Variants in TSPAN12 observed in about 807,000 individuals in gnomAD.
TSPAN12 encodes the protein tetraspanin 12, also known as tetraspanin-12.
Under a neutral mutation model 39.2 loss-of-function variants are expected in TSPAN12, and 19 were observed. The observed-to-expected ratio is 0.49, with a 90% CI of 0.34 to 0.71. TSPAN12 has a LOEUF of 0.71. TSPAN12 is among the 30% of genes least tolerant of loss of function. The probability of loss-of-function intolerance (pLI) is 0.01; values close to 1 mark genes in which losing one functional copy is unlikely to be tolerated. For missense variants in TSPAN12, 314 were observed against 359.9 expected (o/e 0.87, Z 1.03); for synonymous variants, 119 against 124.8 (o/e 0.95, Z 0.31).
In TSPAN12 at chr7:120,852,038, A is replaced by G. The variant is rs774666227; in HGVS notation, c.66+4660T>C. 7.7e-4 allele frequency among the ~76,000 whole-genome samples: 117 copies of G among 152,190 alleles called. 1 individual carries two copies. The highest frequency in any genetic ancestry group is 1.1e-3 in the Non-Finnish European group (78 of 68,040). ...CTTCTTAGACGCATTTATAGCTTAC[A>G]CTTAAAAACACATCTATGCCTTACA... On this transcript the variant is annotated intron_variant, in intron 2 of 7. Transcript: ENST00000222747.
intron 2 of TSPAN12, among the ~76,000 whole-genome samples, chr7:120,849,658 G>A (rs1035913105): frequency 4.6e-5 from 7 of 152,182 alleles, no homozygotes; most frequent in African/African-American, 7.2e-5. Context: ...AAAGGACTTC[G>A]ACAAATAATT....
chr7:120,816,752 T>C (rs1176688157), intron 4 of TSPAN12, among the ~76,000 whole-genome samples: 3 of 152,054 alleles, frequency 2.0e-5, no homozygotes, highest in Non-Finnish European at 4.4e-5. Context: ...AATGACATTA[T>C]AAACTGATAA....
At chr7:120,801,379 G>T (rs975366008) in intron 7 of TSPAN12, among the ~76,000 whole-genome samples, 4 of 152,144 alleles carry the variant, frequency 2.6e-5, no homozygotes, top group Admixed American at 2.6e-4. Flanking sequence ...AGGCATAAAT[G>T]GGTTTGTCAA....
chr7:120,788,349 A>C lies in TSPAN12; in HGVS notation c.*243T>G. 1.9e-6 allele frequency: 1 copy of C among 529,322 alleles called. No homozygotes were observed. The highest frequency in any genetic ancestry group is 3.4e-6 in the Non-Finnish European group (1 of 295,158). The allele number at this position is 529,322 out of a possible 1,614,324, so 32.8% of individuals were successfully genotyped here. On this transcript the variant is annotated 3_prime_UTR_variant, in exon 8 of 8. Transcript: ENST00000222747. ...TAACTGTGTTCAGTAAAAGTCATAC[A>C]CAGGCTACACAGTGGGTATGACATC... is the stretch of plus-strand genomic sequence containing the variant.
chr7:120,808,644 A>T (rs1284525135), intron 6 of TSPAN12, among the ~76,000 whole-genome samples: 4 of 152,120 alleles, frequency 2.6e-5, no homozygotes, highest in Non-Finnish European at 5.9e-5. Flanking sequence ...AAATAAACAC[A>T]TTTTTTAAAG....
At chr7:120,835,786 T>C (rs1297528936) in intron 4 of TSPAN12, among the ~76,000 whole-genome samples, 2 of 152,330 alleles carry the variant, frequency 1.3e-5, no homozygotes, top group South Asian at 2.1e-4. Flanking sequence ...TTTGAAGAGG[T>C]AGCATTTCAG....
At chr7:120,796,951 A>T (rs1406247039) in intron 7 of TSPAN12, among the ~76,000 whole-genome samples, 1 of 152,106 alleles carries the variant, frequency 6.6e-6, no homozygotes, top group African/African-American at 2.4e-5. Context: ...GTCAGGAGAC[A>T]GAGACCATCC....
chr7:120,841,705 T>C (rs890397283), intron 2 of TSPAN12, among the ~76,000 whole-genome samples: 2 of 152,204 alleles, frequency 1.3e-5, no homozygotes, highest in Non-Finnish European at 2.9e-5. Flanking sequence ...TATTGATATC[T>C]ATATTTGTAA....
intron 6 of TSPAN12, among the ~76,000 whole-genome samples, chr7:120,808,153 A>T (rs780327837): frequency 5.3e-5 from 8 of 152,026 alleles, no homozygotes; most frequent in African/African-American, 1.7e-4. Flanking sequence ...AGTTCTTGGA[A>T]CTCTCTAGCT....
At position 120,840,198 on chromosome 7, in the gene TSPAN12, C is replaced by A; in HGVS notation, c.67-89G>T. 7.0e-6 allele frequency: 7 copies of A among 1,000,956 alleles called. No individual in the cohort carries two copies. The South Asian group carries it at 7.8e-5, about 11-fold the overall frequency. The allele number at this position is 1,000,956 out of a possible 1,614,324, so 62.0% of individuals were successfully genotyped here. On this transcript the variant is annotated intron_variant, in intron 2 of 7. Transcript: ENST00000222747. ...AATAGGAAAATTAAGGATTTTGTTA[C>A]ATAATATCTTTCCCAATTACCATTT...
At chr7:120,853,577 A>C (rs1029766880) in intron 2 of TSPAN12, among the ~76,000 whole-genome samples, 5 of 149,864 alleles carry the variant, frequency 3.3e-5, no homozygotes, top group African/African-American at 1.2e-4. Context: ...AAAATCCTGT[A>C]GAAAATTATA....
At chr7:120,798,963 G>A (rs1254938136) in intron 7 of TSPAN12, among the ~76,000 whole-genome samples, 2 of 152,128 alleles carry the variant, frequency 1.3e-5, no homozygotes, top group African/African-American at 4.8e-5. Flanking sequence ...ATTAAGGATT[G>A]CCTGCTCTGT....
At chr7:120,835,252 T>C (rs1314430952) in intron 4 of TSPAN12, among the ~76,000 whole-genome samples, 1 of 152,178 alleles carries the variant, frequency 6.6e-6, no homozygotes, top group Non-Finnish European at 1.5e-5. Context: ...CCAGTGAGAA[T>C]GGGCTTTGCA....
intron 6 of TSPAN12, among the ~76,000 whole-genome samples, chr7:120,807,745 C>T (rs1793901830): frequency 2.0e-5 from 3 of 151,478 alleles, no homozygotes; most frequent in South Asian, 2.1e-4. Flanking sequence ...AAGTATTTTG[C>T]GTTGTTACAC....
intron 5 of TSPAN12, chr7:120,814,023 G>A (rs1794032612): frequency 3.3e-6 from 1 of 307,526 alleles, no homozygotes; most frequent in Admixed American, 4.4e-5. Flanking sequence ...GTTGTACATT[G>A]GAAGCATGAG....
rs555744637 is a variant in TSPAN12 at position 120,788,290 on chromosome 7, G to A, written c.*302C>T. The A allele has an allele frequency of 4.0e-5, 16 of 395,470 alleles. No homozygotes were observed. The highest frequency in any genetic ancestry group is 1.7e-4 in the South Asian group (7 of 40,530). 24.5% of individuals were successfully genotyped at this position (395,470 alleles called of 1,614,324 possible). ...ATATGTGACTCGTTTGCATGGATGCGGAAATGCTAATCAAACCATGCTGCC... is the reference window on the plus strand; with the variant it reads ...ATATGTGACTCGTTTGCATGGATGCAGAAATGCTAATCAAACCATGCTGCC... On this transcript the variant is annotated 3_prime_UTR_variant, in exon 8 of 8. Transcript: ENST00000222747.
chr7:120,789,441 C>T (rs995108014), intron 7 of TSPAN12, among the ~76,000 whole-genome samples: 2 of 152,128 alleles, frequency 1.3e-5, no homozygotes, highest in Non-Finnish European at 2.9e-5. Context: ...CTTCTCTGGC[C>T]GCCTTAACCT....
At chr7:120,822,802 TAG>T (rs1414702544) in intron 4 of TSPAN12, among the ~76,000 whole-genome samples, 3 of 151,998 alleles carry the variant, frequency 2.0e-5, no homozygotes, top group Admixed American at 6.6e-5. Context: ...GACACTAAAA[TAG>T]AGAGTCAGGA....
chr7:120,858,011 A>C lies in TSPAN12; in HGVS notation c.-262T>G, dbSNP rs529414382. ...CTCCTGGGAAAAAGAAAAAAAAAAA[A>C]AAAAGTCCTGGGCAGCAGTTGCTGG... On this transcript the variant is annotated 5_prime_UTR_variant, in exon 1 of 8. Coordinates refer to ENST00000222747, the MANE Select transcript of TSPAN12 (RefSeq NM_012338.4). 1 of 154,170 alleles carries C rather than the reference A, an allele frequency of 6.5e-6. No individual in the cohort carries two copies. The highest frequency in any genetic ancestry group is 2.4e-5 in the African/African-American group (1 of 41,540). The allele number at this position is 154,170 out of a possible 1,614,324, so 9.6% of individuals were successfully genotyped here. A position where few individuals can be genotyped will look rare whatever the true frequency, so the allele number is the denominator to read the frequency against.
Sources: gnomAD v4.1 joint callset for allele counts (sites outside exome capture counted in the v4.1 genomes callset) on GRCh38, gnomAD v4.1.1 for gene constraint, MANE v1.5 for transcripts, NCBI Gene and HGNC (gene_info 2026-07-23, HGNC 2026-07-21) for gene names.